Variants in PLXNB2 observed in about 807,000 individuals in gnomAD.
PLXNB2 encodes the protein plexin B2.
PLXNB2 carries 85 observed loss-of-function variants against 202.6 expected under a neutral mutation model. The observed-to-expected ratio is 0.42, with a 90% CI of 0.35 to 0.50. The LOEUF (loss-of-function observed/expected upper bound fraction) is 0.50, where lower values mean the gene tolerates loss of function less well. Among genes scored for constraint, PLXNB2 ranks in the 20% least tolerant of loss-of-function variants. The probability of loss-of-function intolerance (pLI) is 0.02; values close to 1 mark genes in which losing one functional copy is unlikely to be tolerated. For missense variants in PLXNB2, 2,063 were observed against 2,586.2 expected (o/e 0.80, Z 4.39); for synonymous variants, 1,239 against 1,137.6 (o/e 1.09, Z -1.79).
Position 50,281,428 on chromosome 22 carries a change from G to A in PLXNB2, c.3594C>T (p.Leu1198=), listed in dbSNP as rs759349962. 6.2e-7 allele frequency: 1 copy of A among 1,612,428 alleles called. No individual in the cohort carries two copies. Among genetic ancestry groups the A allele is most frequent in the Non-Finnish European group, 8.5e-7 (1 of 1,179,788 alleles). The change falls in exon 22 of 37, where the codon CTC becomes CTT. Residue 1198 remains leucine, a synonymous_variant. Transcript: ENST00000359337. ...CGATGACCAGCGGCAAGATGAGGCT[G>A]AGCGGCACGTCGCTCACCCGTGTGT... is the stretch of plus-strand genomic sequence containing the variant. ...EYDTRVSDVP[L]SLILPLVIVP...
chr22:50,305,512 G>T (rs1373416358), intron 1 of PLXNB2, among the ~76,000 whole-genome samples: 1 of 152,220 alleles, frequency 6.6e-6, no homozygotes, highest in African/African-American at 2.4e-5. Context: ...CCACCTGCAG[G>T]ATGGGCTCAC....
At position 50,294,764 on chromosome 22, in the gene PLXNB2, C is replaced by G. The variant is rs369823346; in HGVS notation, c.-59G>C. ...GTCCAGCTCAGTTTCTGCTCCAGGCCAGCATCGAGATTCTCTAGGAGGCAA... is the reference window on the plus strand; with the variant it reads ...GTCCAGCTCAGTTTCTGCTCCAGGCGAGCATCGAGATTCTCTAGGAGGCAA... On this transcript the variant is annotated 5_prime_UTR_variant, in exon 2 of 37. Coordinates refer to ENST00000359337, the MANE Select transcript of PLXNB2 (RefSeq NM_012401.4). 137 of 985,598 alleles carry G rather than the reference C, an allele frequency of 1.4e-4. 2 individuals are homozygous for G. In the African/African-American group the frequency reaches 2.1e-3, roughly 15 times the overall value. The allele number at this position is 985,598 out of a possible 1,614,324, so 61.1% of individuals were successfully genotyped here.
intron 16 of PLXNB2, 58 bp downstream of exon 16, chr22:50,283,279 C>T (rs1392181922): frequency 8.7e-6 from 14 of 1,607,422 alleles, no homozygotes; most frequent in Non-Finnish European, 1.2e-5. Flanking sequence ...AGGCGGCGGG[C>T]AGAGCCCCTC....
chr22:50,276,549 C>T (rs2065610365), intron 35 of PLXNB2, 80 bp downstream of exon 35: 1 of 1,225,524 alleles, frequency 8.2e-7, no homozygotes, highest in Non-Finnish European at 1.2e-6. Context: ...ATTACCCCTG[C>T]CCTGCAGCTC....
Position 50,275,818 on chromosome 22 carries a change from G to A in PLXNB2, c.5413-10C>T, listed in dbSNP as rs200418901. 3 of 1,608,840 alleles carry A rather than the reference G, an allele frequency of 1.9e-6. No homozygotes were observed. Among genetic ancestry groups the A allele is most frequent in the Non-Finnish European group, 2.5e-6 (3 of 1,176,590 alleles). On this transcript the variant is annotated splice_polypyrimidine_tract_variant and intron_variant, in intron 36 of 36. Coordinates refer to ENST00000359337, the MANE Select transcript of PLXNB2 (RefSeq NM_012401.4). ...CCAAGGCATTGATGATCTGAGGGAG[G>A]GTCGCATCAGAGCACACCGGGGGAC...
chr22:50,293,544 C>G (rs555390585), intron 2 of PLXNB2, among the ~76,000 whole-genome samples: 1 of 152,206 alleles, frequency 6.6e-6, no homozygotes, highest in African/African-American at 2.4e-5. Context: ...CGGCCCAGCT[C>G]GGTGGCAGTG....
intron 2 of PLXNB2, among the ~76,000 whole-genome samples, chr22:50,293,712 T>C (rs1033863597): frequency 6.6e-6 from 1 of 152,106 alleles, no homozygotes; most frequent in African/African-American, 2.4e-5. Context: ...GCGGCGCCCC[T>C]AGCCCCAGGA....
chr22:50,289,011 C>T lies in PLXNB2; in HGVS notation c.1200G>A (p.Glu400=). ...CCAGAAAAGCAACAGTGTGGTTGTT[C>T]TCGGCGGCGACCGTCACGGCCGTGA... ...LNLTAVTVAA[E]NNHTVAFLGT... Residue 400 remains glutamate, a synonymous_variant, in exon 4 of 37, where the codon GAG becomes GAA. Transcript: ENST00000359337. The surrounding 1 kb of genome is among the most constrained non-coding windows in gnomAD (Gnocchi z 8.0). 6.2e-7 allele frequency: 1 copy of T among 1,610,658 alleles called. No individual in the cohort carries two copies. Among genetic ancestry groups the T allele is most frequent in the Non-Finnish European group, 8.5e-7 (1 of 1,178,374 alleles).
rs76654220 is a variant in PLXNB2, at chr22:50,290,537, T to C, written c.48A>G (p.Ala16=). 6.1e-4 allele frequency: 986 copies of C among 1,612,072 alleles called. 27 individuals are homozygous for C. The East Asian group carries it at 0.022, about 35-fold the overall frequency. The change falls in exon 3 of 37, where the codon GCA becomes GCG. Residue 16 remains alanine, a synonymous_variant. Coordinates refer to ENST00000359337, the MANE Select transcript of PLXNB2 (RefSeq NM_012401.4). Reference sequence around the variant, plus strand: ...GCTTGCGGGGCCTCAGGCTGGCACCTGCGCCCAGCAGGCCCAGCAGGGTCA... The same window carrying C: ...GCTTGCGGGGCCTCAGGCTGGCACCCGCGCCCAGCAGGCCCAGCAGGGTCA... ...WALTLLGLLG[A]GASLRPRKLD...
At chr22:50,301,138 G>A (rs542900416) in intron 1 of PLXNB2, among the ~76,000 whole-genome samples, 1 of 152,286 alleles carries the variant, frequency 6.6e-6, no homozygotes, top group South Asian at 2.1e-4. Flanking sequence ...CTGGAGGATG[G>A]TCCTCCCCAG....
rs2065694403 is a variant in PLXNB2, at chr22:50,277,580, ACC to A, written c.5196+9_5196+10del. The A allele has an allele frequency of 6.4e-7, 1 of 1,555,348 alleles. No homozygotes were observed. Among genetic ancestry groups the A allele is most frequent in the African/African-American group, 1.4e-5 (1 of 73,274 alleles). ...GCCTCCCTGCCCCAGACCTGCCCCCACCCCACTCACGCGGCTCAGCTTATGCT... is the reference window on the plus strand; with the variant it reads ...GCCTCCCTGCCCCAGACCTGCCCCCACCACTCACGCGGCTCAGCTTATGCT... On this transcript the variant is annotated intron_variant, in intron 33 of 36. Coordinates refer to ENST00000359337, the MANE Select transcript of PLXNB2 (RefSeq NM_012401.4).
intron 1 of PLXNB2, among the ~76,000 whole-genome samples, chr22:50,306,954 G>T (rs2067905940): frequency 6.6e-6 from 1 of 152,238 alleles, no homozygotes; most frequent in Non-Finnish European, 1.5e-5. Flanking sequence ...GCAGGGTGCG[G>T]AGGGGCAGGG....
rs1569174092 is a variant in PLXNB2 at position 50,289,780 on chromosome 22, G to A, written c.805C>T (p.Pro269Ser). The A allele has an allele frequency of 6.2e-7, 1 of 1,613,018 alleles. No individual in the cohort carries two copies. The highest frequency in any genetic ancestry group is 8.5e-7 in the Non-Finnish European group (1 of 1,180,010). The change falls in exon 3 of 37, where the codon CCC (proline) becomes TCC (serine). Residue 269 changes from proline to serine, a missense_variant. Pro to Ser is a moderately conservative substitution (Grantham distance 74). Transcript: ENST00000359337. The surrounding 1 kb of genome is among the most constrained non-coding windows in gnomAD (Gnocchi z 8.0). ...YLEMDLQCRD[P>S]DIHAAAFGTC... ...CCAAAGGCAGCGGCGTGGATGTCGG[G>A]GTCCCGGCACTGCAGGTCCATCTCC...
intron 32 of PLXNB2, 48 bp from the exon 33 acceptor site, chr22:50,277,786 G>C: frequency 6.3e-7 from 1 of 1,598,530 alleles, no homozygotes; most frequent in East Asian, 2.2e-5. Flanking sequence ...GCCGCGGGGT[G>C]GGTGTGGAGC....
In PLXNB2 at chr22:50,283,999, A is replaced by G; in HGVS notation, c.2264-9T>C. 1.3e-6 allele frequency: 2 copies of G among 1,535,322 alleles called. No homozygotes were observed. The highest frequency in any genetic ancestry group is 1.7e-6 in the Non-Finnish European group (2 of 1,144,660). ...GCAGTTGTAGAGGGTCACTGCGGGG[A>G]GAGCTGCCGTCAGTGGTCACCCCGT... is the stretch of plus-strand genomic sequence containing the variant. On this transcript the variant is annotated splice_polypyrimidine_tract_variant and intron_variant, in intron 13 of 36. Transcript: ENST00000359337.
At position 50,284,510 on chromosome 22, in the gene PLXNB2, A is replaced by AT. The variant is rs1555921720; in HGVS notation, c.2181+62_2181+63insA. 1.2e-5 allele frequency: 15 copies of AT among 1,209,712 alleles called. No homozygotes were observed. The East Asian group carries it at 3.6e-4, about 29-fold the overall frequency. The allele number at this position is 1,209,712 out of a possible 1,614,324, so 74.9% of individuals were successfully genotyped here. ...CCCTCCCCTCACAGTCCTGAAGGTG[A>AT]CCCCCCACCCCACCCGGGGCCCTGG... On this transcript the variant is annotated intron_variant, in intron 12 of 36. Transcript: ENST00000359337. This position sits in a 1 kb window ranked among gnomAD's most constrained non-coding sequence, Gnocchi z 8.0.
chr22:50,282,378 C>A (rs548333641), intron 18 of PLXNB2, 65 bp from the exon 19 acceptor site: 4 of 1,521,608 alleles, frequency 2.6e-6, no homozygotes, highest in South Asian at 1.2e-5. Context: ...TCCGCCCTCC[C>A]GTCCCCGCCC....
chr22:50,303,453 G>A (rs148919336), intron 1 of PLXNB2, among the ~76,000 whole-genome samples: 3,087 of 152,260 alleles, frequency 0.02, 54 homozygotes, highest in South Asian at 0.035. Flanking sequence ...CTGGCTCGGG[G>A]GCCCCAGACC....
intron 7 of PLXNB2, 51 bp downstream of exon 7, chr22:50,287,616 C>T (rs781322817): frequency 3.3e-6 from 5 of 1,493,104 alleles, no homozygotes; most frequent in Non-Finnish European, 4.5e-6. Flanking sequence ...GGGGAGCCCC[C>T]ACCTGGCCCG....
Sources: gnomAD v4.1 joint callset for allele counts (sites outside exome capture counted in the v4.1 genomes callset) on GRCh38, gnomAD v4.1.1 for gene constraint, Gnocchi (gnomAD v3.1) non-coding constraint, MANE v1.5 for transcripts, NCBI Gene and HGNC (gene_info 2026-07-23, HGNC 2026-07-21) for gene names.